The following TAF3 variants were observed in gnomAD, a reference collection of about 807,000 sequenced individuals.
TAF3 encodes the protein TATA-box binding protein associated factor 3.
Under a neutral mutation model 80.6 loss-of-function variants are expected in TAF3, and 7 were observed. The ratio of observed to expected loss-of-function variants is 0.09; its 90% CI spans 0.05 to 0.16. TAF3 has a LOEUF of 0.16. Among genes scored for constraint, TAF3 ranks in the 10% least tolerant of loss-of-function variants. The probability of loss-of-function intolerance (pLI) is 1.00; values close to 1 mark genes in which losing one functional copy is unlikely to be tolerated. For synonymous variants in TAF3, 444 were observed against 446.1 expected (o/e 1.00, Z 0.06); for missense variants, 921 against 1,140.2 (o/e 0.81, Z 2.77).
At position 7,965,181 on chromosome 10, in the gene TAF3, TAAAGTG is replaced by T. The variant is rs767662923; in HGVS notation, c.1676_1681del (p.Val559_Lys560del). On this transcript the variant is annotated inframe_deletion, in exon 3 of 7. Coordinates refer to ENST00000344293, the MANE Select transcript of TAF3 (RefSeq NM_031923.4). ...ACAAGGACAAAAGTAAGGAGAAGGA[TAAAGTG>T]AAAGAGAAAGAGAAAGACAAGGAAA... 3 of 1,607,586 alleles carry T rather than the reference TAAAGTG, an allele frequency of 1.9e-6. No individual in the cohort carries two copies. Among genetic ancestry groups the T allele is most frequent in the African/African-American group, 2.7e-5 (2 of 74,154 alleles).
chr10:7,864,286 C>T (rs1837187521), intron 2 of TAF3, among the ~76,000 whole-genome samples: 1 of 152,120 alleles, frequency 6.6e-6, no homozygotes, highest in Non-Finnish European at 1.5e-5. Context: ...TTTATTGTCT[C>T]CATAGTTTTA....
At chr10:7,924,955 C>G (rs955547132) in intron 2 of TAF3, among the ~76,000 whole-genome samples, 16 of 152,062 alleles carry the variant, frequency 1.1e-4, no homozygotes, top group African/African-American at 3.9e-4. Flanking sequence ...TTCCTGATAC[C>G]TTATCTTACT....
At chr10:7,952,912 T>C (rs1401797513) in intron 2 of TAF3, among the ~76,000 whole-genome samples, 1 of 152,244 alleles carries the variant, frequency 6.6e-6, no homozygotes, top group Non-Finnish European at 1.5e-5. Context: ...TAAAATATTT[T>C]ATAAGGAGAT....
chr10:8,007,453 T>C (rs1477088318), intron 4 of TAF3, among the ~76,000 whole-genome samples: 1 of 151,116 alleles, frequency 6.6e-6, no homozygotes, highest in South Asian at 2.1e-4. Flanking sequence ...CAGTGGTTGC[T>C]CTGGGGCAGG....
chr10:7,893,463 C>T (rs1166522834), intron 2 of TAF3, among the ~76,000 whole-genome samples: 3 of 152,200 alleles, frequency 2.0e-5, no homozygotes, highest in African/African-American at 7.2e-5. Context: ...CTGTCTACGT[C>T]GTGACCCATC....
At chr10:8,003,050 A>C (rs190812118) in intron 4 of TAF3, among the ~76,000 whole-genome samples, 24 of 152,236 alleles carry the variant, frequency 1.6e-4, no homozygotes, top group Non-Finnish European at 1.0e-4. Flanking sequence ...CTATTGCTAG[A>C]TGTTCCTCTG....
At chr10:7,881,365 C>T (rs1421046630) in intron 2 of TAF3, among the ~76,000 whole-genome samples, 1 of 151,924 alleles carries the variant, frequency 6.6e-6, no homozygotes, top group African/African-American at 2.4e-5. Context: ...GTTCCTAAAC[C>T]TTAAGATATG....
chr10:7,920,533 C>G (rs1283647868), intron 2 of TAF3, among the ~76,000 whole-genome samples: 2 of 152,006 alleles, frequency 1.3e-5, no homozygotes, highest in African/African-American at 4.8e-5. Context: ...TTTTGTGTAG[C>G]CTATAATGAA....
intron 2 of TAF3, among the ~76,000 whole-genome samples, chr10:7,897,136 G>A (rs975457963): frequency 3.9e-5 from 6 of 152,132 alleles, no homozygotes; most frequent in South Asian, 2.1e-4. Context: ...AAAGGTTCAC[G>A]TGAAGAGATC....
chr10:7,970,686 A>C (rs1400904350), intron 3 of TAF3, among the ~76,000 whole-genome samples: 1 of 152,256 alleles, frequency 6.6e-6, no homozygotes, highest in Non-Finnish European at 1.5e-5. Context: ...GGAAAGGGAT[A>C]TCCTTTACAC....
At chr10:7,913,682 T>C (rs1296198629) in intron 2 of TAF3, among the ~76,000 whole-genome samples, 1 of 152,154 alleles carries the variant, frequency 6.6e-6, no homozygotes, top group Non-Finnish European at 1.5e-5. Flanking sequence ...CACTCTTCTG[T>C]CCTCTGCTTA....
chr10:7,914,059 G>A (rs143628660), intron 2 of TAF3, among the ~76,000 whole-genome samples: 2 of 152,266 alleles, frequency 1.3e-5, no homozygotes, highest in African/African-American at 4.8e-5. Flanking sequence ...TTTAGATACC[G>A]ATTCAAAGAA....
intron 2 of TAF3, among the ~76,000 whole-genome samples, chr10:7,908,024 C>T (rs1008938619): frequency 1.3e-5 from 2 of 152,216 alleles, no homozygotes; most frequent in Non-Finnish European, 2.9e-5. Flanking sequence ...ATTTGCTCAG[C>T]AGCGTATGGA....
intron 4 of TAF3, among the ~76,000 whole-genome samples, chr10:7,997,423 G>C (rs753875391): frequency 6.6e-6 from 1 of 152,222 alleles, no homozygotes; most frequent in Non-Finnish European, 1.5e-5. Context: ...ACTTGTGTTT[G>C]CTGCTAACCC....
intron 2 of TAF3, among the ~76,000 whole-genome samples, chr10:7,939,945 G>A (rs147904111): frequency 9.1e-4 from 139 of 152,212 alleles, no homozygotes; most frequent in Admixed American, 1.5e-3. Flanking sequence ...GAAGAAAAAC[G>A]TATAAATCTA....
chr10:7,893,055 G>A (rs1330584760), intron 2 of TAF3, among the ~76,000 whole-genome samples: 1 of 151,888 alleles, frequency 6.6e-6, no homozygotes, highest in Non-Finnish European at 1.5e-5. Context: ...CCTGACCTCC[G>A]TTGATCCACC....
intron 2 of TAF3, among the ~76,000 whole-genome samples, chr10:7,895,335 A>T (rs987333315): frequency 2.6e-5 from 4 of 152,206 alleles, no homozygotes; most frequent in African/African-American, 9.6e-5. Context: ...CAATGGCTTC[A>T]GTTTCCCATT....
At chr10:7,936,484 G>A (rs1168770563) in intron 2 of TAF3, among the ~76,000 whole-genome samples, 1 of 151,592 alleles carries the variant, frequency 6.6e-6, no homozygotes, top group African/African-American at 2.4e-5. Flanking sequence ...AAGAGGGTAG[G>A]ACCTGAGCTG....
Position 7,974,142 on chromosome 10 carries a change from A to T in TAF3, c.2233-3099A>T, listed in dbSNP as rs570730016. Among the ~76,000 whole-genome samples the T allele has an allele frequency of 7.8e-3, 619 of 79,510 alleles. 4 individuals are homozygous for T. Among genetic ancestry groups the T allele is most frequent in the African/African-American group, 0.022 (579 of 26,566 alleles). 52.2% of individuals were successfully genotyped at this position (79,510 alleles called of 152,430 possible). A position where few individuals can be genotyped will look rare whatever the true frequency, so the allele number is the denominator to read the frequency against. On this transcript the variant is annotated intron_variant, in intron 3 of 6. Coordinates refer to ENST00000344293, the MANE Select transcript of TAF3 (RefSeq NM_031923.4). ...GATTCCTTCTGAAACATACACACAC[A>T]CACACACACACACACACACACACAC...
Sources: allele counts gnomAD v4.1 joint callset (sites outside exome capture counted in the v4.1 genomes callset), GRCh38; gene constraint gnomAD v4.1.1; transcripts MANE v1.5; gene names NCBI Gene and HGNC (gene_info 2026-07-23, HGNC 2026-07-21).